The following MPV17L variants were observed in gnomAD, a reference collection of about 807,000 sequenced individuals.
MPV17L encodes MPV17 mitochondrial inner membrane protein like.
In MPV17L, 24 loss-of-function variants were observed where a neutral mutation model predicts 25.8. That is an observed-to-expected ratio of 0.93 (90% CI 0.67 to 1.31). The LOEUF (loss-of-function observed/expected upper bound fraction) is 1.31, where lower values mean the gene tolerates loss of function less well. MPV17L is among the 50% of genes most tolerant of loss of function. MPV17L has a pLI of 0.00. For missense variants in MPV17L, 250 were observed against 265.6 expected, an observed-to-expected ratio of 0.94 and a Z score of 0.41; for synonymous variants, 102 against 115.3, an observed-to-expected ratio of 0.88 and a Z score of 0.74.
intron 2 of MPV17L, among the ~76,000 whole-genome samples, chr16:15,406,417 G>A (rs1406144508): frequency 2.6e-5 from 4 of 151,894 alleles, no homozygotes; most frequent in South Asian, 2.1e-4. Context: ...AAAACCTCTA[G>A]CTGTTTTTTG....
At position 15,395,937 on chromosome 16, in the gene MPV17L, C is replaced by A. The variant is rs1210151738; in HGVS notation, c.40C>A (p.Arg14Ser). 16 of 1,465,900 alleles carry A rather than the reference C, an allele frequency of 1.1e-5. No homozygotes were observed. The highest frequency in any genetic ancestry group is 1.3e-5 in the Non-Finnish European group (14 of 1,118,784). The allele number at this position is 1,465,900 out of a possible 1,614,324, so 90.8% of individuals were successfully genotyped here. Residue 14 changes from arginine to serine, a missense_variant, in exon 1 of 4, where the codon CGC (arginine) becomes AGC (serine). Transcript: ENST00000396385. ...GCCGGCGTTGTCGCGCGCGGCCCGGCGCCACCCGTGGCCCACCAACGTGCT... is the reference window on the plus strand; with the variant it reads ...GCCGGCGTTGTCGCGCGCGGCCCGGAGCCACCCGTGGCCCACCAACGTGCT... ...WWPALSRAAR[R>S]HPWPTNVLLY... is the part of the protein sequence containing the mutation.
rs1294548325 is a variant in MPV17L, at chr16:15,401,458, A to G, written c.381+601A>G. Among the ~76,000 whole-genome samples the G allele has an allele frequency of 3.3e-5, 5 of 152,240 alleles. No homozygotes were observed. The East Asian group carries it at 9.6e-4, about 29-fold the overall frequency. On this transcript the variant is annotated intron_variant, in intron 2 of 3. Coordinates refer to ENST00000396385, the MANE Select transcript of MPV17L (RefSeq NM_001128423.2). Reference sequence around the variant, plus strand: ...TCCAATATTTTGACATAGAAATCTTAAAGTTATTTTGATAGATGTATGAGG... The same window carrying G: ...TCCAATATTTTGACATAGAAATCTTGAAGTTATTTTGATAGATGTATGAGG...
intron 2 of MPV17L, among the ~76,000 whole-genome samples, chr16:15,406,732 C>T (rs2050683568): frequency 6.6e-6 from 1 of 152,082 alleles, no homozygotes; most frequent in Non-Finnish European, 1.5e-5. Context: ...TCAAGACCAG[C>T]CTGGCCAACA....
intron 2 of MPV17L, among the ~76,000 whole-genome samples, chr16:15,401,084 ATATTTTTTTTTTTTT>A (rs2050635381): frequency 3.0e-5 from 1 of 33,202 alleles, no homozygotes; most frequent in Non-Finnish European, 5.5e-5. Context: ...ATATATATAT[ATATTTTTTTTTTTTT>A]TTTTTTTTTT....
At chr16:15,407,783 A>C in intron 2 of MPV17L, 41 bp from the exon 3 acceptor site, 1 of 1,556,694 alleles carries the variant, frequency 6.4e-7, no homozygotes, top group Non-Finnish European at 8.7e-7. Flanking sequence ...AATAAAAGGC[A>C]ATCTAATAAA....
rs1390464927 is a variant in MPV17L at position 15,408,012 on chromosome 16, T to C, written c.491T>C (p.Ile164Thr). ...GVCGFLWATFICFSQQSGDGT... is the reference protein window; with the variant it reads ...GVCGFLWATFTCFSQQSGDGT... ...TGTGGTTTTCTCTGGGCCACCTTCA[T>C]CTGTTTTTCCCAGCAGAGTGGTGAC... The change falls in exon 4 of 4, where the codon ATC (isoleucine) becomes ACC (threonine). Residue 164 changes from isoleucine to threonine, a missense_variant. Physicochemically the swap from Ile to Thr is moderately conservative, Grantham distance 89 (BLOSUM62 -1). Transcript: ENST00000396385. 3 of 1,614,010 alleles carry C rather than the reference T, an allele frequency of 1.9e-6. No homozygotes were observed. The highest frequency in any genetic ancestry group is 1.7e-5 in the Admixed American group (1 of 60,014).
intron 2 of MPV17L, among the ~76,000 whole-genome samples, chr16:15,407,192 T>C (rs560474245): frequency 6.6e-6 from 1 of 152,344 alleles, no homozygotes; most frequent in South Asian, 2.1e-4. Flanking sequence ...TGCTGTCATT[T>C]CCAAAGCCGC....
chr16:15,406,048 G>A (rs963437275), intron 2 of MPV17L, among the ~76,000 whole-genome samples: 1 of 151,858 alleles, frequency 6.6e-6, no homozygotes, highest in Non-Finnish European at 1.5e-5. Flanking sequence ...ATTTAGCCAG[G>A]CATGGTCGTG....
Position 15,410,922 on chromosome 16 carries a change from A to T in MPV17L, c.*2810A>T, listed in dbSNP as rs1204142017. ...TACAATGGAAAAATGGTTTCGTAAT[A>T]AGAAGATACATTTTAACATCAAAAC... On this transcript the variant is annotated 3_prime_UTR_variant, in exon 4 of 4. Coordinates refer to ENST00000396385, the MANE Select transcript of MPV17L (RefSeq NM_001128423.2). 1 of 151,348 alleles carries T rather than the reference A, an allele frequency of 6.6e-6. No individual in the cohort carries two copies. The highest frequency in any genetic ancestry group is 2.5e-5 in the African/African-American group (1 of 40,618). The allele number at this position is 151,348 out of a possible 1,614,324, so 9.4% of individuals were successfully genotyped here.
At chr16:15,406,635 A>G (rs1008867017) in intron 2 of MPV17L, among the ~76,000 whole-genome samples, 1 of 152,188 alleles carries the variant, frequency 6.6e-6, no homozygotes, top group African/African-American at 2.4e-5. Flanking sequence ...TATAGTTTCA[A>G]CAATTCAAGG....
rs1199090910 is a variant in MPV17L at position 15,407,540 on chromosome 16, G to A, written c.382-284G>A. On this transcript the variant is annotated intron_variant, in intron 2 of 3. Coordinates refer to ENST00000396385, the MANE Select transcript of MPV17L (RefSeq NM_001128423.2). ...GTGGATCACCTGAGGTCGGGAGTTCGAGACCAGCCTGGCCAACATGGTGAA... is the reference window on the plus strand; with the variant it reads ...GTGGATCACCTGAGGTCGGGAGTTCAAGACCAGCCTGGCCAACATGGTGAA... Among the ~76,000 whole-genome samples the A allele has an allele frequency of 1.7e-4, 26 of 151,870 alleles. No homozygotes were observed. The East Asian group carries it at 2.1e-3, about 13-fold the overall frequency.
At chr16:15,405,392 A>C (rs1360142915) in intron 2 of MPV17L, among the ~76,000 whole-genome samples, 1 of 150,998 alleles carries the variant, frequency 6.6e-6, no homozygotes, top group Non-Finnish European at 1.5e-5. Context: ...AAAAAAAGAA[A>C]GAAGGAAAGC....
chr16:15,396,548 A>G (rs1381723837), intron 1 of MPV17L, among the ~76,000 whole-genome samples: 6 of 152,122 alleles, frequency 3.9e-5, no homozygotes, highest in Non-Finnish European at 7.4e-5. Context: ...AGGGCTGCGG[A>G]GGTCTTTGCC....
In MPV17L at chr16:15,400,774, GT is replaced by G; in HGVS notation, c.311-9del. 6.3e-7 allele frequency: 1 copy of G among 1,580,472 alleles called. No individual in the cohort carries two copies. Reference sequence around the variant, plus strand: ...CTGAATCTTTTAAAATTTTTTTTGGGTTTTGCAAATAGGTATGAGCATTCTC... The same window carrying G: ...CTGAATCTTTTAAAATTTTTTTTGGGTTTGCAAATAGGTATGAGCATTCTC... On this transcript the variant is annotated splice_polypyrimidine_tract_variant and intron_variant, in intron 1 of 3. Transcript: ENST00000396385.
rs908131991 is a variant in MPV17L at position 15,412,530 on chromosome 16, G to A, written c.*4418G>A. The A allele has an allele frequency of 6.6e-6, 1 of 151,078 alleles. No individual in the cohort carries two copies. Among genetic ancestry groups the A allele is most frequent in the African/African-American group, 2.4e-5 (1 of 41,202 alleles). 9.4% of individuals were successfully genotyped at this position (151,078 alleles called of 1,614,324 possible). Reference sequence around the variant, plus strand: ...AACTATGTTCACTACAATTGACCAAGTTAAGTGTAGACAGTCTCTTTAATA... The same window carrying A: ...AACTATGTTCACTACAATTGACCAAATTAAGTGTAGACAGTCTCTTTAATA... On this transcript the variant is annotated 3_prime_UTR_variant, in exon 4 of 4. Transcript: ENST00000396385.
At chr16:15,407,164 T>C (rs905087017) in intron 2 of MPV17L, among the ~76,000 whole-genome samples, 1 of 152,206 alleles carries the variant, frequency 6.6e-6, no homozygotes, top group African/African-American at 2.4e-5. Context: ...AACCAGGAAA[T>C]TGCAATGCAT....
intron 2 of MPV17L, among the ~76,000 whole-genome samples, chr16:15,404,489 A>C (rs2050664438): frequency 6.6e-6 from 1 of 152,166 alleles, no homozygotes; most frequent in Admixed American, 6.6e-5. Flanking sequence ...TGAAGTTAGG[A>C]GTTCAAGACC....
chr16:15,401,941 G>T (rs1358106037), intron 2 of MPV17L, among the ~76,000 whole-genome samples: 1 of 152,146 alleles, frequency 6.6e-6, no homozygotes. Context: ...TGTAAATTTT[G>T]CAGCCAAAGG....
Position 15,412,746 on chromosome 16 carries a change from T to TC in MPV17L, c.*4634_*4635insC, listed in dbSNP as rs1227978994. Reference sequence around the variant, plus strand: ...CGCCACCATGACCCACTAATTTTTTTTTTTTTTGGATTTTTAGTAGAGTCG... The same window carrying TC: ...CGCCACCATGACCCACTAATTTTTTTCTTTTTTTGGATTTTTAGTAGAGTCG... On this transcript the variant is annotated 3_prime_UTR_variant, in exon 4 of 4. Coordinates refer to ENST00000396385, the MANE Select transcript of MPV17L (RefSeq NM_001128423.2). The TC allele has an allele frequency of 6.6e-6, 1 of 151,358 alleles. No homozygotes were observed. The highest frequency in any genetic ancestry group is 6.6e-5 in the Admixed American group (1 of 15,152). 9.4% of individuals were successfully genotyped at this position (151,358 alleles called of 1,614,324 possible).
Sources: gnomAD v4.1 joint callset for allele counts (sites outside exome capture counted in the v4.1 genomes callset) on GRCh38, gnomAD v4.1.1 for gene constraint, MANE v1.5 for transcripts, NCBI Gene and HGNC (gene_info 2026-07-23, HGNC 2026-07-21) for gene names.